The following ANKRD36 variants were observed in gnomAD, a reference collection of about 807,000 sequenced individuals.
The protein encoded by ANKRD36 is ankyrin repeat domain 36.
A neutral mutation model predicts 278.1 loss-of-function variants in ANKRD36; 179 were observed. The observed-to-expected ratio is 0.64, with a 90% CI of 0.57 to 0.73. ANKRD36 has a LOEUF of 0.73. Ranked by LOEUF, ANKRD36 falls within the 30% of genes least tolerant of loss-of-function variation. The pLI is 0.00. For missense variants in ANKRD36, 1,159 were observed against 1,956.7 expected (o/e 0.59, Z 7.69); for synonymous variants, 320 against 641.1 (o/e 0.50, Z 7.57).
At chr2:97,127,917 A>T (rs1229169656) in intron 6 of ANKRD36, among the ~76,000 whole-genome samples, 1 of 152,040 alleles carries the variant, frequency 6.6e-6, no homozygotes, top group East Asian at 1.9e-4. Flanking sequence ...TGATCTAGGA[A>T]ATATAAAAGT....
chr2:97,150,946 TA>T (rs1490809812), intron 12 of ANKRD36, among the ~76,000 whole-genome samples: 7 of 152,104 alleles, frequency 4.6e-5, no homozygotes, highest in Non-Finnish European at 8.8e-5. Context: ...TCATCATGGT[TA>T]ACTCTTGGGA....
At chr2:97,231,384 C>CA (rs1159592655) in intron 67 of ANKRD36, among the ~76,000 whole-genome samples, 1 of 152,144 alleles carries the variant, frequency 6.6e-6, no homozygotes, top group Non-Finnish European at 1.5e-5. Flanking sequence ...AGTTTGATCT[C>CA]AGACTGCTGT....
At chr2:97,216,707 T>G in intron 62 of ANKRD36, 2 of 333,504 alleles carry the variant, frequency 6.0e-6, no homozygotes, top group Middle Eastern at 1.1e-3. Flanking sequence ...AACTGAAGTG[T>G]CATTGTAATT....
chr2:97,164,355 T>G, intron 19 of ANKRD36, 42 bp from the exon 20 acceptor site: 1 of 1,536,956 alleles, frequency 6.5e-7, no homozygotes, highest in Non-Finnish European at 8.7e-7. Flanking sequence ...CTCTGTGATA[T>G]ATACATGATA....
chr2:97,149,299 C>T lies in ANKRD36; in HGVS notation c.1039C>T (p.Leu347Phe). The T allele has an allele frequency of 1.3e-6, 2 of 1,533,422 alleles. No homozygotes were observed. Among genetic ancestry groups the T allele is most frequent in the South Asian group, 2.4e-5 (2 of 83,698 alleles). 95.0% of individuals were successfully genotyped at this position (1,533,422 alleles called of 1,614,324 possible). ...TAATATCTTTTTGCTCTGTAGGAGT[C>T]TCTACAGACCTGATGCTGTTGCACA... ...PAVEQCLNRS[L>F]YRPDAVAQPV... Residue 347 changes from leucine (L) to phenylalanine (F), a missense_variant, in exon 12 of 76, where the codon CTC (leucine) becomes TTC (phenylalanine). By Grantham distance (22) the Leu-to-Phe change is conservative (BLOSUM62 0). Coordinates refer to ENST00000420699, the MANE Select transcript of ANKRD36 (RefSeq NM_001354587.1).
Position 97,181,794 on chromosome 2 carries a change from G to A in ANKRD36, c.1837+1G>A, listed in dbSNP as rs760680931. ...AAGAAGGGACAACAATCTGGGACAGGTAATTTTGCAAAACACATTTAATGT... is the reference window on the plus strand; with the variant it reads ...AAGAAGGGACAACAATCTGGGACAGATAATTTTGCAAAACACATTTAATGT... On this transcript the variant is annotated splice_donor_variant, in intron 26 of 75. Transcript: ENST00000420699. LOFTEE classifies it high-confidence loss of function. 3.9e-5 allele frequency: 62 copies of A among 1,607,884 alleles called. 2 individuals carry two copies. The highest frequency in any genetic ancestry group is 4.9e-5 in the Non-Finnish European group (58 of 1,177,856).
At chr2:97,125,616 G>T (rs2038380076) in intron 5 of ANKRD36, among the ~76,000 whole-genome samples, 1 of 151,082 alleles carries the variant, frequency 6.6e-6, no homozygotes, top group Non-Finnish European at 1.5e-5. Flanking sequence ...TATATAAACA[G>T]CGTAAGAGCT....
In ANKRD36 at chr2:97,118,191, T is replaced by C; in HGVS notation, c.312+13T>C. On this transcript the variant is annotated intron_variant, in intron 2 of 75. Transcript: ENST00000420699. ...ACCTCTGATCAAGGTATATAGTAGC[T>C]GACTCTTTGAGCATGAGATGGATTT... is the stretch of plus-strand genomic sequence containing the variant. 1 of 1,582,714 alleles carries C rather than the reference T, an allele frequency of 6.3e-7. No individual in the cohort carries two copies. The highest frequency in any genetic ancestry group is 8.6e-7 in the Non-Finnish European group (1 of 1,162,684).
In ANKRD36 at chr2:97,207,915, C is replaced by A; in HGVS notation, c.3193-19C>A. ...AACATACTTTATTAATTTATTATTT[C>A]ATTTGAAATTCCATTCAGGCTACAA... On this transcript the variant is annotated intron_variant, in intron 53 of 75. Transcript: ENST00000420699. 2 of 1,534,902 alleles carry A rather than the reference C, an allele frequency of 1.3e-6. No individual in the cohort carries two copies. The highest frequency in any genetic ancestry group is 1.8e-6 in the Non-Finnish European group (2 of 1,138,924).
chr2:97,124,472 A>G lies in ANKRD36; in HGVS notation c.606A>G (p.Ile202Met). 3.0e-5 allele frequency: 47 copies of G among 1,549,678 alleles called. No homozygotes were observed. Among genetic ancestry groups the G allele is most frequent in the Non-Finnish European group, 4.1e-5 (47 of 1,146,058 alleles). The change falls in exon 5 of 76, where the codon ATA becomes ATG. Residue 202 changes from isoleucine (I) to methionine (M), a missense_variant. Physicochemically the swap from Ile to Met is conservative, Grantham distance 10 (BLOSUM62 1). Transcript: ENST00000420699. ...TCTGTTATTTTAGATCAGCCCTCAT[A>G]CATGCTGTTACTCTTGGAGAAAAAG... is the stretch of plus-strand genomic sequence containing the variant. ...AIDYLGRSAL[I>M]HAVTLGEKDI...
Position 97,118,490 on chromosome 2 carries a change from T to C in ANKRD36, c.459T>C (p.His153=), listed in dbSNP as rs766554674. 6.3e-7 allele frequency: 1 copy of C among 1,598,536 alleles called. No homozygotes were observed. The highest frequency in any genetic ancestry group is 1.1e-5 in the South Asian group (1 of 87,978). The change falls in exon 3 of 76, where the codon CAT becomes CAC. Residue 153 remains histidine (H), a synonymous_variant. Transcript: ENST00000420699. ...DTSMIEKLLS[H]GTNIEECSKC... is the part of the protein sequence containing the mutation. The stretch of plus-strand genomic sequence containing the variant: ...CCATGATAGAAAAACTTCTTTCACA[T>C]GGTACAAATATTGAAGAATGCAGCA...
chr2:97,113,767 C>T lies in ANKRD36; in HGVS notation c.28C>T (p.Pro10Ser). 10 of 1,612,848 alleles carry T rather than the reference C, an allele frequency of 6.2e-6. 1 individual carries two copies. The highest frequency in any genetic ancestry group is 8.5e-6 in the Non-Finnish European group (10 of 1,179,956). MEDGKRERW[P>S]TLMERLCSDG... ...GGAAGACGGCAAGCGGGAGAGGTGGCCCACCCTCATGGAGCGCTTGTGCTC... is the reference window on the plus strand; with the variant it reads ...GGAAGACGGCAAGCGGGAGAGGTGGTCCACCCTCATGGAGCGCTTGTGCTC... Residue 10 changes from proline (P) to serine (S), a missense_variant, in exon 1 of 76, where the codon CCC becomes TCC. Pro to Ser is a moderately conservative substitution (Grantham distance 74, BLOSUM62 -1). Transcript: ENST00000420699.
At chr2:97,195,834 T>G (rs1274884025) in intron 40 of ANKRD36, among the ~76,000 whole-genome samples, 5 of 151,894 alleles carry the variant, frequency 3.3e-5, no homozygotes, top group African/African-American at 1.2e-4. Flanking sequence ...ATGTAAAACT[T>G]ATTATTATCT....
chr2:97,149,487 G>A, intron 12 of ANKRD36, 126 bp downstream of exon 12: 1 of 761,812 alleles, frequency 1.3e-6, no homozygotes, highest in Non-Finnish European at 1.9e-6. Context: ...TTTTATTAGA[G>A]ATAACCATTT....
chr2:97,188,411 T>C (rs1474223946), intron 32 of ANKRD36, among the ~76,000 whole-genome samples: 1 of 151,704 alleles, frequency 6.6e-6, no homozygotes, highest in Non-Finnish European at 1.5e-5. Flanking sequence ...TTGAGGCTGA[T>C]ATATTATGCT....
chr2:97,179,842 T>C lies in ANKRD36; in HGVS notation c.1663-19T>C, dbSNP rs757408991. The C allele has an allele frequency of 2.9e-5, 47 of 1,603,182 alleles. No homozygotes were observed. Among genetic ancestry groups the C allele is most frequent in the Non-Finnish European group, 3.1e-5 (37 of 1,178,358 alleles). On this transcript the variant is annotated intron_variant, in intron 23 of 75. Coordinates refer to ENST00000420699, the MANE Select transcript of ANKRD36 (RefSeq NM_001354587.1). ...AACCTACTTTACATATTGATTATTTTGCTTCAAATCCCATTCAGGCTACAA... is the reference window on the plus strand; with the variant it reads ...AACCTACTTTACATATTGATTATTTCGCTTCAAATCCCATTCAGGCTACAA...
At chr2:97,216,911 G>A (rs28404646) in intron 62 of ANKRD36, 223,417 of 806,352 alleles carry the variant, frequency 0.28, 41,336 homozygotes, top group South Asian at 0.64. Flanking sequence ...GCATATCCAC[G>A]TTGATATTGA....
rs2045261985 is a variant in ANKRD36 at position 97,149,281 on chromosome 2, T to G, written c.1035-14T>G. On this transcript the variant is annotated splice_polypyrimidine_tract_variant and intron_variant, in intron 11 of 75. Transcript: ENST00000420699. ...TGAATGAGCTCATTTTTGTAATATC[T>G]TTTTGCTCTGTAGGAGTCTCTACAG... The G allele has an allele frequency of 6.5e-7, 1 of 1,531,942 alleles. No homozygotes were observed. The allele number at this position is 1,531,942 out of a possible 1,614,324, so 94.9% of individuals were successfully genotyped here. A position where few individuals can be genotyped will look rare whatever the true frequency, so the allele number is the denominator to read the frequency against.
intron 17 of ANKRD36, among the ~76,000 whole-genome samples, chr2:97,161,733 G>A (rs1022511376): frequency 6.6e-6 from 1 of 152,054 alleles, no homozygotes; most frequent in African/African-American, 2.4e-5. Flanking sequence ...TCATTTTTTT[G>A]CACATGCTGC....
Sources: allele counts gnomAD v4.1 joint callset (sites outside exome capture counted in the v4.1 genomes callset), GRCh38; gene constraint gnomAD v4.1.1; transcripts MANE v1.5; gene names NCBI Gene and HGNC (gene_info 2026-07-23, HGNC 2026-07-21).